Variants in BRCA1 observed in about 807,000 individuals in gnomAD.
BRCA1 encodes breast cancer type 1 susceptibility protein.
BRCA1 carries 140 observed loss-of-function variants against 173.7 expected under a neutral mutation model. That is an observed-to-expected ratio of 0.81 (90% CI 0.70 to 0.93). The LOEUF is 0.93. BRCA1 is among the 40% of genes least tolerant of loss of function. BRCA1 has a pLI of 0.00. For missense variants in BRCA1, 1,983 were observed against 2,172.5 expected, an observed-to-expected ratio of 0.91 and a Z score of 1.73; for synonymous variants, 662 against 756.0, an observed-to-expected ratio of 0.88 and a Z score of 2.04.
rs142808159 is a variant in BRCA1, at chr17:43,108,968, G to C, written c.135-2435C>G. On this transcript the variant is annotated intron_variant, in intron 3 of 22. Coordinates refer to ENST00000357654, the MANE Select transcript of BRCA1 (RefSeq NM_007294.4). ...AGATCGCGCCATTGCACTCCAGCCT[G>C]GGCAACAAGAGCGAAACTCCATCTC... is the stretch of plus-strand genomic sequence containing the variant. Among the ~76,000 whole-genome samples the C allele has an allele frequency of 0.016, 2,440 of 152,136 alleles. 32 individuals carry two copies. Among genetic ancestry groups the C allele is most frequent in the Middle Eastern group, 0.044 (13 of 294 alleles).
In BRCA1 at chr17:43,094,210, T is replaced by C. The variant is rs1567800029; in HGVS notation, c.1321A>G (p.Ile441Val). The C allele has an allele frequency of 1.2e-6, 2 of 1,614,098 alleles. No homozygotes were observed. The highest frequency in any genetic ancestry group is 1.7e-6 in the Non-Finnish European group (2 of 1,180,014). The change falls in exon 10 of 23, where the codon ATA becomes GTA. Residue 441 changes from isoleucine (I) to valine (V), a missense_variant. Coordinates refer to ENST00000357654, the MANE Select transcript of BRCA1 (RefSeq NM_007294.4). ...GAGTGAACTCTTTCACTTTTACATATTAAAGCCTCATGAGGATCACTGGCC... is the reference window on the plus strand; with the variant it reads ...GAGTGAACTCTTTCACTTTTACATACTAAAGCCTCATGAGGATCACTGGCC... Reference protein sequence around the residue: ...LLASDPHEALICKSERVHSKS... With the variant: ...LLASDPHEALVCKSERVHSKS...
At chr17:43,127,790 C>T (rs2055925288), upstream of BRCA1, among the ~76,000 whole-genome samples, 1 of 151,934 alleles carries the variant, frequency 6.6e-6, no homozygotes, top group South Asian at 2.1e-4. Flanking sequence ...TTTGGGAGGC[C>T]TAGAGGGGTG....
chr17:43,096,784 G>A (rs769394245), intron 8 of BRCA1, among the ~76,000 whole-genome samples: 23 of 152,152 alleles, frequency 1.5e-4, no homozygotes, highest in Non-Finnish European at 2.9e-4. Context: ...CTGTATATGA[G>A]GAACTTAGAG....
intron 15 of BRCA1, among the ~76,000 whole-genome samples, chr17:43,068,209 A>G (rs569208003): frequency 6.6e-6 from 1 of 151,722 alleles, no homozygotes. Flanking sequence ...CCCAGGAAGC[A>G]GAGCTTGCAG....
At chr17:43,136,080 A>T (rs1421415522) in intron 1 of BRCA1, among the ~76,000 whole-genome samples, 1 of 152,200 alleles carries the variant, frequency 6.6e-6, no homozygotes, top group East Asian at 1.9e-4. Context: ...GTCACTTGAG[A>T]ACAGGAGTTC....
intron 1 of BRCA1, among the ~76,000 whole-genome samples, chr17:43,139,289 G>A (rs548243447): frequency 2.2e-4 from 32 of 147,404 alleles, no homozygotes; most frequent in African/African-American, 7.3e-4. Context: ...TTGTTATATA[G>A]CTAAACTTGT....
chr17:43,138,491 T>C (rs565814391), intron 1 of BRCA1: 1 of 628,790 alleles, frequency 1.6e-6, no homozygotes. Flanking sequence ...GTAGACTCCA[T>C]GCCTTCTTCT....
At position 43,104,880 on chromosome 17, in the gene BRCA1, T is replaced by A. The variant is rs1404795980; in HGVS notation, c.289A>T (p.Thr97Ser). Residue 97 changes from threonine (T) to serine (S), a missense_variant, in exon 5 of 23, where the codon ACA becomes TCA. By Grantham distance (58) the Thr-to-Ser change is moderately conservative (BLOSUM62 1). Coordinates refer to ENST00000357654, the MANE Select transcript of BRCA1 (RefSeq NM_007294.4). ...ATTCAACACTTACACTCCAAACCTG[T>A]GTCAAGCTGAAAAGCACAAATGATT... ...LKIICAFQLD[T>S]GLEYANSYNF... 6.2e-7 allele frequency: 1 copy of A among 1,613,798 alleles called. No individual in the cohort carries two copies.
rs1555592609 is a variant in BRCA1, at chr17:43,094,490, C to T, written c.1041G>A (p.Leu347=). 6.2e-7 allele frequency: 1 copy of T among 1,614,032 alleles called. No homozygotes were observed. Among genetic ancestry groups the T allele is most frequent in the South Asian group, 1.1e-5 (1 of 91,082 alleles). The part of the protein sequence containing the change: ...EKKVDLNADP[L]CERKEWNKQK... The stretch of plus-strand genomic sequence containing the variant: ...GCTTATTCCATTCTTTTCTCTCACA[C>T]AGGGGATCAGCATTCAGATCTACCT... The change falls in exon 10 of 23, where the codon CTG becomes CTA. Residue 347 remains leucine (L), a synonymous_variant. Transcript: ENST00000357654.
intron 9 of BRCA1, among the ~76,000 whole-genome samples, chr17:43,095,524 G>A (rs1266661202): frequency 6.6e-6 from 1 of 151,780 alleles, no homozygotes; most frequent in East Asian, 1.9e-4. Flanking sequence ...GGAGGTTGCA[G>A]TGAGCCAAGA....
chr17:43,162,238 C>T (rs535113871), intron 1 of BRCA1: 1 of 152,276 alleles, frequency 6.6e-6, no homozygotes, highest in Admixed American at 6.5e-5. Context: ...TTTATTTCCA[C>T]ACAGTCCTAA....
intron 3 of BRCA1, chr17:43,110,639 T>A (rs931219898): frequency 5.4e-6 from 2 of 371,590 alleles, no homozygotes; most frequent in African/African-American, 4.3e-5. Context: ...CATTTATTGC[T>A]CACATTCTAT....
At chr17:43,150,592 A>AC (rs2056154472) in intron 1 of BRCA1, among the ~76,000 whole-genome samples, 1 of 152,092 alleles carries the variant, frequency 6.6e-6, no homozygotes, top group Non-Finnish European at 1.5e-5. Context: ...TTCTCAAGCA[A>AC]CCTTTTGACT....
intron 2 of BRCA1, 44 bp downstream of exon 2, chr17:43,123,973 T>A (rs2154576304): frequency 6.9e-7 from 1 of 1,444,696 alleles, no homozygotes. Context: ...GCATAGGAGA[T>A]AATCATAGGA....
intron 2 of BRCA1, among the ~76,000 whole-genome samples, chr17:43,121,869 C>A (rs1266109364): frequency 2.0e-5 from 3 of 151,942 alleles, no homozygotes; most frequent in South Asian, 4.2e-4. Flanking sequence ...GAAAGAACAT[C>A]CTATTTTTAT....
intron 11 of BRCA1, chr17:43,082,840 G>A (rs2053083215): frequency 2.1e-6 from 1 of 476,122 alleles, no homozygotes. Context: ...TTTTGAAGTT[G>A]GTTATTTTCT....
chr17:43,106,640 G>A (rs1028477530), intron 3 of BRCA1, 107 bp from the exon 4 acceptor site: 1 of 823,388 alleles, frequency 1.2e-6, no homozygotes, highest in Non-Finnish European at 1.9e-6. Flanking sequence ...CTGCCCTTAA[G>A]AGCCATTTAA....
At chr17:43,100,542 ATATG>A (rs1177944418) in intron 6 of BRCA1, among the ~76,000 whole-genome samples, 3 of 94,708 alleles carry the variant, frequency 3.2e-5, no homozygotes, top group Non-Finnish European at 6.3e-5. Context: ...ATATACATAT[ATATG>A]TGTGTGTGTG....
At chr17:43,086,537 T>C (rs986254870) in intron 11 of BRCA1, among the ~76,000 whole-genome samples, 4 of 152,302 alleles carry the variant, frequency 2.6e-5, no homozygotes, top group Middle Eastern at 3.4e-3. Context: ...GAAATCTGAC[T>C]TCAACGGTTT....
Sources: allele counts gnomAD v4.1 joint callset (sites outside exome capture counted in the v4.1 genomes callset), GRCh38; gene constraint gnomAD v4.1.1; transcripts MANE v1.5; gene names NCBI Gene and HGNC (gene_info 2026-07-23, HGNC 2026-07-21).